MYO16: variants seen among roughly 807,000 people sequenced by gnomAD.
MYO16 encodes unconventional myosin-XVI.
MYO16 carries 94 observed loss-of-function variants against 205.3 expected under a neutral mutation model. The ratio of observed to expected loss-of-function variants is 0.46; its 90% confidence interval spans 0.39 to 0.54. MYO16 has a LOEUF of 0.54. Ranked by LOEUF, MYO16 falls within the 20% of genes least tolerant of loss-of-function variation. The pLI is 0.00. For missense variants in MYO16, 2,315 were observed against 2,387.5 expected (o/e 0.97, Z 0.63); for synonymous variants, 988 against 954.0 (o/e 1.04, Z -0.66).
the MYO16 span, among the ~76,000 whole-genome samples, chr13:108,539,614 G>T: frequency 1.3e-5 from 2 of 151,902 alleles, no homozygotes; most frequent in Admixed American, 1.3e-4. Context: ...GATATTTCTC[G>T]CATTGAAAAA....
At chr13:109,122,063 C>T (rs898775832) in intron 29 of MYO16, among the ~76,000 whole-genome samples, 2 of 152,162 alleles carry the variant, frequency 1.3e-5, no homozygotes, top group African/African-American at 2.4e-5. Context: ...GGAACACCAG[C>T]GACACCAACA....
chr13:109,068,541 C>T (rs1205585075), intron 27 of MYO16, among the ~76,000 whole-genome samples: 1 of 151,888 alleles, frequency 6.6e-6, no homozygotes, highest in Non-Finnish European at 1.5e-5. Context: ...TTCATGAGCA[C>T]ACCACTTCTT....
chr13:108,498,534 C>G, the MYO16 span, among the ~76,000 whole-genome samples: 1 of 152,156 alleles, frequency 6.6e-6, no homozygotes, highest in African/African-American at 2.4e-5. Flanking sequence ...AACCTTTCTT[C>G]TACATTCTGC....
In MYO16 at chr13:109,141,193, C is replaced by G. The variant is rs751844645; in HGVS notation, c.4981C>G (p.Pro1661Ala). 6.2e-7 allele frequency: 1 copy of G among 1,607,474 alleles called. No homozygotes were observed. The highest frequency in any genetic ancestry group is 1.7e-5 in the Admixed American group (1 of 59,644). Residue 1661 changes from proline (P) to alanine (A), a missense_variant, in exon 32 of 35, where the codon CCC becomes GCC. By Grantham distance (27) the Pro-to-Ala change is conservative. Transcript: ENST00000457511. This position sits in a 1 kb window ranked among gnomAD's most constrained non-coding sequence, Gnocchi z 4.1. ...CTCCTTCCCCAAGATCCCATATTCC[C>G]CCGTGAAGGCCACCAGGGCGGACGC... ...CSSFPKIPYSPVKATRADARK... is the reference protein window; with the variant it reads ...CSSFPKIPYSAVKATRADARK...
chr13:108,921,927 G>T (rs1261969823), intron 16 of MYO16, among the ~76,000 whole-genome samples: 1 of 152,178 alleles, frequency 6.6e-6, no homozygotes, highest in Admixed American at 6.5e-5. Context: ...GGCTAGTATT[G>T]TCACTATTAG....
chr13:108,745,427 AG>A (rs1885030003), intron 4 of MYO16, among the ~76,000 whole-genome samples: 1 of 152,210 alleles, frequency 6.6e-6, no homozygotes, highest in South Asian at 2.1e-4. Flanking sequence ...TATGTATAAA[AG>A]GATTTTATCC....
chr13:108,840,635 C>T lies in MYO16; in HGVS notation c.1098-3708C>T, dbSNP rs555273968. ...TCACTGCAGCCTCGACCTCATAGGCCCAAGTGATCCTCCCACCTCAGCCTC... is the reference window on the plus strand; with the variant it reads ...TCACTGCAGCCTCGACCTCATAGGCTCAAGTGATCCTCCCACCTCAGCCTC... On this transcript the variant is annotated intron_variant, in intron 9 of 34. Transcript: ENST00000457511. Among the ~76,000 whole-genome samples the T allele has an allele frequency of 1.4e-4, 21 of 152,112 alleles. 1 individual carries two copies. Among genetic ancestry groups the T allele is most frequent in the African/African-American group, 4.8e-4 (20 of 41,480 alleles).
At position 108,844,445 on chromosome 13, in the gene MYO16, C is replaced by G. The variant is rs765952131; in HGVS notation, c.1200C>G (p.Asp400Glu). ...TKGLCKQQSQ[D>E]SIPENPMMSG... Reference sequence around the variant, plus strand: ...GTCTGTGTAAGCAGCAGTCTCAGGACAGCATCCCTGAAAACCCCATGATGA... The same window carrying G: ...GTCTGTGTAAGCAGCAGTCTCAGGAGAGCATCCCTGAAAACCCCATGATGA... The change falls in exon 10 of 35, where the codon GAC (aspartate) becomes GAG (glutamate). Residue 400 changes from aspartate (D) to glutamate (E), a missense_variant. By Grantham distance (45) the Asp-to-Glu change is conservative. This residue lies in a region of MYO16 where 1,213 missense variants were observed against 1,274.4 expected (regional missense o/e 0.95). Coordinates refer to ENST00000457511, the MANE Select transcript of MYO16 (RefSeq NM_001198950.3). The G allele has an allele frequency of 6.8e-6, 11 of 1,612,592 alleles. No individual in the cohort carries two copies. The highest frequency in any genetic ancestry group is 3.3e-5 in the Admixed American group (2 of 59,942).
chr13:108,658,539 A>C (rs1276013676), intron 1 of MYO16, among the ~76,000 whole-genome samples: 3 of 151,538 alleles, frequency 2.0e-5, no homozygotes, highest in Non-Finnish European at 4.4e-5. Flanking sequence ...AAAGTTAATA[A>C]TTTATTTCTA....
chr13:108,620,727 G>A (rs1226738879), intron 1 of MYO16, among the ~76,000 whole-genome samples: 1 of 152,192 alleles, frequency 6.6e-6, no homozygotes, highest in Non-Finnish European at 1.5e-5. Context: ...ACTTGTCACT[G>A]CCTCTGCTCT....
chr13:108,576,033 C>T, the MYO16 span, among the ~76,000 whole-genome samples: 8 of 152,018 alleles, frequency 5.3e-5, no homozygotes, highest in Non-Finnish European at 1.0e-4. Context: ...GATTGTCAAG[C>T]GCTCAGGGCT....
chr13:108,826,241 A>G (rs1350177421), intron 9 of MYO16, among the ~76,000 whole-genome samples: 2 of 152,158 alleles, frequency 1.3e-5, no homozygotes, highest in Admixed American at 6.6e-5. Flanking sequence ...TCAACAGAAT[A>G]GAACTGAGAA....
chr13:109,201,360 T>C (rs1424931121), intron 34 of MYO16: 2 of 152,034 alleles, frequency 1.3e-5, no homozygotes, highest in Non-Finnish European at 1.5e-5. Context: ...TGCACTTGTG[T>C]TATTCATGTA....
the MYO16 span, among the ~76,000 whole-genome samples, chr13:108,549,391 C>T: frequency 6.7e-6 from 1 of 149,222 alleles, no homozygotes; most frequent in Admixed American, 6.8e-5. Flanking sequence ...CTCAAAGGAG[C>T]ACAGTGCTGC....
Position 109,124,038 on chromosome 13 carries a change from C to A in MYO16, c.3536-1074C>A, listed in dbSNP as rs547199517. Among the ~76,000 whole-genome samples the A allele has an allele frequency of 2.6e-5, 4 of 152,274 alleles. No individual in the cohort carries two copies. In the South Asian group the frequency reaches 6.2e-4, roughly 24 times the overall value. On this transcript the variant is annotated intron_variant, in intron 29 of 34. Coordinates refer to ENST00000457511, the MANE Select transcript of MYO16 (RefSeq NM_001198950.3). ...TCACAAAGTTTGAAAAGACTCTAAT[C>A]AGAATTCCTCTACCTGCACTTGTCC...
At chr13:108,681,107 T>G (rs1421073197) in intron 2 of MYO16, among the ~76,000 whole-genome samples, 2 of 152,258 alleles carry the variant, frequency 1.3e-5, no homozygotes, top group Non-Finnish European at 2.9e-5. Flanking sequence ...CATTTATGTC[T>G]AACGTGAATG....
At chr13:108,504,200 C>A in the MYO16 span, among the ~76,000 whole-genome samples, 5 of 152,200 alleles carry the variant, frequency 3.3e-5, no homozygotes, top group Non-Finnish European at 7.3e-5. Flanking sequence ...CAGCTCACTG[C>A]AACCTTCGCC....
rs1405923996 is a variant in MYO16 at position 109,125,277 on chromosome 13, A to T, written c.3701A>T (p.Asp1234Val). ...QNASDIAREN[D>V]RLRSEMNAPY... ...GCTTCAGACATTGCCCGGGAAAATG[A>T]CCGGCTCCGTAGTGAAATGAACGCT... Residue 1234 changes from aspartate to valine, a missense_variant, in exon 30 of 35, where the codon GAC (aspartate) becomes GTC (valine). Physicochemically the swap from Asp to Val is radical, Grantham distance 152. This residue lies in a region of MYO16 where 1,097 missense variants were observed against 1,092.0 expected (regional missense o/e 1.00). Transcript: ENST00000457511. The surrounding 1 kb of genome is among the most constrained non-coding windows in gnomAD (Gnocchi z 4.0). 4.3e-6 allele frequency: 7 copies of T among 1,614,060 alleles called. No individual in the cohort carries two copies. The highest frequency in any genetic ancestry group is 5.9e-6 in the Non-Finnish European group (7 of 1,180,038).
intron 4 of MYO16, among the ~76,000 whole-genome samples, chr13:108,759,753 G>A (rs111241203): frequency 0.027 from 4,099 of 151,612 alleles, 172 homozygotes; most frequent in African/African-American, 0.094. Flanking sequence ...CCCAGGAGGC[G>A]GAGTTGCAGT....
Sources: allele counts gnomAD v4.1 joint callset (sites outside exome capture counted in the v4.1 genomes callset), GRCh38; gene constraint gnomAD v4.1.1; regional missense constraint gnomAD v4.1.1; non-coding constraint Gnocchi (gnomAD v3.1); transcripts MANE v1.5; gene names NCBI Gene and HGNC (gene_info 2026-07-23, HGNC 2026-07-21).